Variants in UNC5B observed in about 807,000 individuals in gnomAD.
UNC5B encodes unc-5 netrin receptor B.
In UNC5B, 56 loss-of-function variants were observed where a neutral mutation model predicts 103.7. That is an observed-to-expected ratio of 0.54 (90% CI 0.44 to 0.67). UNC5B has a LOEUF of 0.67. UNC5B is among the 30% of genes least tolerant of loss of function. The probability of loss-of-function intolerance (pLI) is 0.00; values close to 1 mark genes in which losing one functional copy is unlikely to be tolerated. For synonymous variants in UNC5B, 577 were observed against 542.0 expected (o/e 1.06, Z -0.90); for missense variants, 1,194 against 1,284.5 (o/e 0.93, Z 1.08).
intron 1 of UNC5B, among the ~76,000 whole-genome samples, chr10:71,214,502 A>G (rs1343731559): frequency 2.6e-5 from 4 of 152,142 alleles, no homozygotes; most frequent in Non-Finnish European, 5.9e-5. Flanking sequence ...CTGAATGTCC[A>G]ACCTTGTTTT....
intron 1 of UNC5B, among the ~76,000 whole-genome samples, chr10:71,273,285 T>G (rs927135685): frequency 2.0e-5 from 3 of 152,206 alleles, no homozygotes; most frequent in African/African-American, 7.2e-5. Flanking sequence ...GCTAGTCACT[T>G]CTTTATAGAT....
chr10:71,270,874 C>T (rs879847419), intron 1 of UNC5B, among the ~76,000 whole-genome samples: 20 of 152,152 alleles, frequency 1.3e-4, no homozygotes, highest in Admixed American at 1.3e-3. Context: ...GGGGAGCCTG[C>T]CATTGCCTTA....
Position 71,293,939 on chromosome 10 carries a change from G to C in UNC5B, c.2175+6G>C. On this transcript the variant is annotated splice_donor_region_variant and intron_variant, in intron 13 of 16. Coordinates refer to ENST00000335350, the MANE Select transcript of UNC5B (RefSeq NM_170744.5). ...ACACGCCTGTAGCACTGAAGGTAGGGCCAGCTGCAGGTGCCCACACAGCCC... is the reference window on the plus strand; with the variant it reads ...ACACGCCTGTAGCACTGAAGGTAGGCCCAGCTGCAGGTGCCCACACAGCCC... 6.3e-7 allele frequency: 1 copy of C among 1,585,108 alleles called. No homozygotes were observed. The highest frequency in any genetic ancestry group is 8.5e-7 in the Non-Finnish European group (1 of 1,170,056).
In UNC5B at chr10:71,279,990, C is replaced by G; in HGVS notation, c.249C>G (p.Gly83=). 1.2e-6 allele frequency: 2 copies of G among 1,614,132 alleles called. No individual in the cohort carries two copies. The highest frequency in any genetic ancestry group is 1.7e-6 in the Non-Finnish European group (2 of 1,180,038). ...PATQIYFKCN[G]EWVSQNDHVT... is the part of the protein sequence containing the mutation. The stretch of plus-strand genomic sequence containing the variant: ...CACAGATCTACTTCAAGTGCAACGG[C>G]GAGTGGGTCAGCCAGAACGACCACG... The change falls in exon 2 of 17, where the codon GGC becomes GGG. Residue 83 remains glycine (G), a synonymous_variant. Coordinates refer to ENST00000335350, the MANE Select transcript of UNC5B (RefSeq NM_170744.5).
intron 1 of UNC5B, among the ~76,000 whole-genome samples, chr10:71,227,647 C>T (rs1020602713): frequency 1.2e-4 from 16 of 128,114 alleles, no homozygotes; most frequent in Middle Eastern, 3.8e-3. Flanking sequence ...TACACATATA[C>T]ATATATATAC....
chr10:71,223,489 A>G (rs936849933), intron 1 of UNC5B, among the ~76,000 whole-genome samples: 1 of 152,064 alleles, frequency 6.6e-6, no homozygotes, highest in Non-Finnish European at 1.5e-5. Context: ...TGTACCCAAC[A>G]TGGTGGAAGC....
intron 2 of UNC5B, among the ~76,000 whole-genome samples, chr10:71,280,994 C>G (rs1317033880): frequency 1.3e-5 from 2 of 152,138 alleles, no homozygotes; most frequent in Non-Finnish European, 2.9e-5. Context: ...CCTGCCTCTC[C>G]CTGCTCATTT....
At chr10:71,289,805 G>A (rs1263255796) in intron 8 of UNC5B, among the ~76,000 whole-genome samples, 1 of 152,214 alleles carries the variant, frequency 6.6e-6, no homozygotes, top group Non-Finnish European at 1.5e-5. Flanking sequence ...AGTGAGGGCT[G>A]CTGAGGAGAG....
In UNC5B at chr10:71,293,550, C is replaced by T; in HGVS notation, c.1918C>T (p.Gln640Ter). Residue 640 changes from glutamine (Q) to a stop codon, truncating the protein, a stop_gained, in exon 12 of 17, where the codon CAG becomes TAG. Transcript: ENST00000335350. LOFTEE classifies it high-confidence loss of function. ...ARDWIFQLKT[Q>*]AHQGHWEEVV... ...TGACTGGATCTTTCAGCTCAAGACCCAGGCCCACCAGGGCCACTGGGAGGT... is the reference window on the plus strand; with the variant it reads ...TGACTGGATCTTTCAGCTCAAGACCTAGGCCCACCAGGGCCACTGGGAGGT... The T allele has an allele frequency of 6.2e-7, 1 of 1,613,908 alleles. No individual in the cohort carries two copies. The highest frequency in any genetic ancestry group is 8.5e-7 in the Non-Finnish European group (1 of 1,180,022).
chr10:71,295,814 G>T lies in UNC5B; in HGVS notation c.2179G>T (p.Val727Leu), dbSNP rs1203821533. Residue 727 changes from valine to leucine, a missense_variant, in exon 14 of 17, where the codon GTG (valine) becomes TTG (leucine). Transcript: ENST00000335350. ...TCCCCATGCCCCTGGCCCACAGGAG[G>T]TGCTGGAGCTGGAGCGGACTCTGGG... Reference protein sequence around the residue: ...LEDTPVALKEVLELERTLGGY... With the variant: ...LEDTPVALKELLELERTLGGY... The T allele has an allele frequency of 1.9e-6, 3 of 1,612,176 alleles. No homozygotes were observed. Among genetic ancestry groups the T allele is most frequent in the East Asian group, 2.2e-5 (1 of 44,874 alleles).
At chr10:71,275,123 G>C (rs950341988) in intron 1 of UNC5B, among the ~76,000 whole-genome samples, 1 of 152,232 alleles carries the variant, frequency 6.6e-6, no homozygotes, top group Non-Finnish European at 1.5e-5. Context: ...TCATTTGACT[G>C]TCTTGTCATT....
intron 1 of UNC5B, among the ~76,000 whole-genome samples, chr10:71,232,996 C>T (rs967839550): frequency 1.3e-5 from 2 of 152,224 alleles, no homozygotes; most frequent in African/African-American, 4.8e-5. Flanking sequence ...CCAGCTGTGT[C>T]TGCACCTGAT....
Position 71,279,856 on chromosome 10 carries a change from T to C in UNC5B, c.115T>C (p.Phe39Leu). The change falls in exon 2 of 17, where the codon TTC becomes CTC. Residue 39 changes from phenylalanine (F) to leucine (L), a missense_variant. By Grantham distance (22) the Phe-to-Leu change is conservative. Coordinates refer to ENST00000335350, the MANE Select transcript of UNC5B (RefSeq NM_170744.5). ...DSGSEVLPDS[F>L]PSAPAEPLPY... ...TGGCAGCGAGGTGCTCCCTGACTCC[T>C]TCCCGTCAGCGCCAGCAGAGCCGCT... 5.0e-6 allele frequency: 8 copies of C among 1,613,852 alleles called. No individual in the cohort carries two copies. Among genetic ancestry groups the C allele is most frequent in the Non-Finnish European group, 6.8e-6 (8 of 1,179,886 alleles).
chr10:71,297,856 AG>A, intron 15 of UNC5B, 52 bp from the exon 16 acceptor site: 1 of 1,545,360 alleles, frequency 6.5e-7, no homozygotes. Context: ...GGGAGGCTGG[AG>A]GGCAGATGCC....
chr10:71,245,086 A>G (rs1843996992), intron 1 of UNC5B, among the ~76,000 whole-genome samples: 1 of 152,230 alleles, frequency 6.6e-6, no homozygotes, highest in African/African-American at 2.4e-5. Flanking sequence ...AATTCTATTC[A>G]CTATTGTCCC....
intron 1 of UNC5B, among the ~76,000 whole-genome samples, chr10:71,254,472 G>A (rs183874496): frequency 6.6e-5 from 10 of 152,370 alleles, no homozygotes; most frequent in African/African-American, 1.9e-4. Flanking sequence ...GAGTCCACAC[G>A]ACAGTGTGGG....
intron 16 of UNC5B, 76 bp from the exon 17 acceptor site, chr10:71,299,036 T>C: frequency 1.9e-6 from 3 of 1,569,852 alleles, no homozygotes; most frequent in Non-Finnish European, 2.6e-6. Context: ...CCACTTCCCC[T>C]TGTGCCCCTT....
chr10:71,234,281 G>A (rs957733830), intron 1 of UNC5B, among the ~76,000 whole-genome samples: 2 of 152,204 alleles, frequency 1.3e-5, no homozygotes, highest in South Asian at 2.1e-4. Context: ...CCCTCCAGGG[G>A]CTTTTGCTGG....
intron 1 of UNC5B, among the ~76,000 whole-genome samples, chr10:71,271,373 G>A (rs1438403604): frequency 6.6e-6 from 1 of 152,244 alleles, no homozygotes; most frequent in Non-Finnish European, 1.5e-5. Flanking sequence ...ATCTGCAGGA[G>A]CATGGATGAA....
Sources: gnomAD v4.1 joint callset for allele counts (sites outside exome capture counted in the v4.1 genomes callset) on GRCh38, gnomAD v4.1.1 for gene constraint, MANE v1.5 for transcripts, NCBI Gene and HGNC (gene_info 2026-07-23, HGNC 2026-07-21) for gene names.